SAMTOR: variants seen among roughly 807,000 people sequenced by gnomAD.
The protein encoded by SAMTOR is UPF0532 protein C7orf60.
At chr7:112,828,604 A>T in the SAMTOR span, among the ~76,000 whole-genome samples, 12 of 152,312 alleles carry the variant, frequency 7.9e-5, no homozygotes, top group African/African-American at 2.6e-4. Flanking sequence ...GAACTCCAAC[A>T]TATCTGTTTT....
chr7:112,894,813 G>C, the SAMTOR span, among the ~76,000 whole-genome samples: 1 of 152,146 alleles, frequency 6.6e-6, no homozygotes, highest in Non-Finnish European at 1.5e-5. Context: ...ATATCACAGA[G>C]CCACAGTGAG....
At chr7:112,844,602 C>T in the SAMTOR span, among the ~76,000 whole-genome samples, 1 of 151,832 alleles carries the variant, frequency 6.6e-6, no homozygotes, top group Non-Finnish European at 1.5e-5. Context: ...AGAGACAACA[C>T]AAAAAAATGG....
chr7:112,926,555 T>A, the SAMTOR span, among the ~76,000 whole-genome samples: 2 of 152,228 alleles, frequency 1.3e-5, no homozygotes, highest in African/African-American at 4.8e-5. Context: ...TTCATTAACA[T>A]TGAGGAGTCT....
chr7:112,868,716 G>C, the SAMTOR span, among the ~76,000 whole-genome samples: 1 of 152,210 alleles, frequency 6.6e-6, no homozygotes, highest in Admixed American at 6.5e-5. Context: ...TCAGAGACTG[G>C]AGTGCTTGCT....
chr7:112,888,939 C>T, the SAMTOR span, among the ~76,000 whole-genome samples: 1,630 of 152,128 alleles, frequency 0.011, 30 homozygotes, highest in African/African-American at 0.037. Context: ...TTTGGTATTT[C>T]GGATCATTTT....
the SAMTOR span, among the ~76,000 whole-genome samples, chr7:112,883,370 T>C: frequency 6.6e-6 from 1 of 152,206 alleles, no homozygotes; most frequent in Admixed American, 6.5e-5. Flanking sequence ...CCTCCTTCAA[T>C]AACTACATAT....
At chr7:112,882,306 G>A in the SAMTOR span, among the ~76,000 whole-genome samples, 2 of 152,250 alleles carry the variant, frequency 1.3e-5, no homozygotes, top group Non-Finnish European at 2.9e-5. Flanking sequence ...AATGAGCCCA[G>A]TGGGCTCAAG....
the SAMTOR span, among the ~76,000 whole-genome samples, chr7:112,834,624 T>A: frequency 6.6e-6 from 1 of 152,148 alleles, no homozygotes; most frequent in African/African-American, 2.4e-5. Context: ...ACGAATCACA[T>A]CCATTTGTCC....
At chr7:112,863,554 C>T in the SAMTOR span, among the ~76,000 whole-genome samples, 3 of 151,830 alleles carry the variant, frequency 2.0e-5, no homozygotes, top group Non-Finnish European at 2.9e-5. Context: ...GTCTAGTATC[C>T]AGCATCTACA....
the SAMTOR span, among the ~76,000 whole-genome samples, chr7:112,918,429 A>G: frequency 6.6e-6 from 1 of 152,316 alleles, no homozygotes; most frequent in African/African-American, 2.4e-5. Context: ...GCCTGCCCTA[A>G]AAGAGCTCCT....
the SAMTOR span, among the ~76,000 whole-genome samples, chr7:112,904,015 T>C: frequency 1.3e-5 from 2 of 152,010 alleles, no homozygotes; most frequent in Non-Finnish European, 2.9e-5. Context: ...TCACTTCAAT[T>C]CCCAGTGAAG....
chr7:112,851,683 C>T, the SAMTOR span, among the ~76,000 whole-genome samples: 1 of 152,100 alleles, frequency 6.6e-6, no homozygotes, highest in African/African-American at 2.4e-5. Context: ...AGCTTCTGCA[C>T]AGCAAAAGAA....
At chr7:112,833,636 G>A in the SAMTOR span, among the ~76,000 whole-genome samples, 1 of 151,994 alleles carries the variant, frequency 6.6e-6, no homozygotes, top group Non-Finnish European at 1.5e-5. Flanking sequence ...ATTTCTGAGA[G>A]TCTTAAAAAA....
the SAMTOR span, among the ~76,000 whole-genome samples, chr7:112,903,898 T>C: frequency 4.6e-5 from 7 of 152,100 alleles, no homozygotes; most frequent in East Asian, 7.8e-4. Context: ...GAAGATAAAC[T>C]TCATCTATGA....
chr7:112,930,254 A>G, the SAMTOR span, among the ~76,000 whole-genome samples: 1 of 152,168 alleles, frequency 6.6e-6, no homozygotes, highest in Non-Finnish European at 1.5e-5. Context: ...ATTGTCTTAC[A>G]TAGTTAAGCC....
chr7:112,827,374 C>T, the SAMTOR span, among the ~76,000 whole-genome samples: 1 of 152,162 alleles, frequency 6.6e-6, no homozygotes, highest in Non-Finnish European at 1.5e-5. Flanking sequence ...CTTCCTTCAT[C>T]TTTTGAATTA....
chr7:112,906,786 G>A, the SAMTOR span, among the ~76,000 whole-genome samples: 1 of 151,924 alleles, frequency 6.6e-6, no homozygotes, highest in Non-Finnish European at 1.5e-5. Context: ...TGGCCAGGAT[G>A]GTCTCAATCC....
chr7:112,913,552 A>T, the SAMTOR span, among the ~76,000 whole-genome samples: 1 of 152,218 alleles, frequency 6.6e-6, no homozygotes, highest in African/African-American at 2.4e-5. Context: ...ATCTTGCAAA[A>T]GGTTAATAAA....
the SAMTOR span, among the ~76,000 whole-genome samples, chr7:112,853,135 T>C: frequency 6.6e-6 from 1 of 152,180 alleles, no homozygotes; most frequent in African/African-American, 2.4e-5. Context: ...TGTTCATTTA[T>C]ATTCCTTAAA....
Sources: allele counts gnomAD v4.1 joint callset (sites outside exome capture counted in the v4.1 genomes callset), GRCh38; gene constraint gnomAD v4.1.1; transcripts MANE v1.5; gene names NCBI Gene and HGNC (gene_info 2026-07-23, HGNC 2026-07-21).